Variants in ADK observed in about 807,000 individuals in gnomAD.
ADK encodes the protein N6,N6-dimethyladenosine kinase.
In ADK, 24 loss-of-function variants were observed where a neutral mutation model predicts 44.7. That is an observed-to-expected ratio of 0.54 (90% confidence interval 0.39 to 0.76). The LOEUF (loss-of-function observed/expected upper bound fraction) is 0.76. ADK is among the 30% of genes least tolerant of loss of function. The probability of loss-of-function intolerance (pLI) is 0.00; values close to 1 mark genes in which losing one functional copy is unlikely to be tolerated. For missense variants in ADK, 321 were observed against 425.1 expected, an observed-to-expected ratio of 0.76 and a Z score of 2.15; for synonymous variants, 128 against 142.6, an observed-to-expected ratio of 0.90 and a Z score of 0.73.
At chr10:74,521,930 GTTA>G (rs913288808) in intron 6 of ADK, among the ~76,000 whole-genome samples, 2 of 152,048 alleles carry the variant, frequency 1.3e-5, no homozygotes, top group African/African-American at 2.4e-5. Context: ...GAGAAATATT[GTTA>G]TTATACAAAA....
At chr10:74,160,558 G>T (rs1841861127) in intron 1 of ADK, among the ~76,000 whole-genome samples, 1 of 152,200 alleles carries the variant, frequency 6.6e-6, no homozygotes, top group Non-Finnish European at 1.5e-5. Flanking sequence ...CAGTTCTGGG[G>T]CTTACCTGCC....
intron 6 of ADK, among the ~76,000 whole-genome samples, chr10:74,407,207 C>T (rs1015491975): frequency 2.0e-5 from 3 of 152,124 alleles, no homozygotes; most frequent in Admixed American, 6.5e-5. Context: ...CTGCCTGTCT[C>T]GACCTCCCAA....
intron 7 of ADK, among the ~76,000 whole-genome samples, chr10:74,588,854 C>T (rs1851617947): frequency 6.6e-6 from 1 of 152,110 alleles, no homozygotes; most frequent in South Asian, 2.1e-4. Flanking sequence ...GCATAAATTT[C>T]GTTATGAGGA....
At chr10:74,649,395 G>A (rs1033188985) in intron 9 of ADK, among the ~76,000 whole-genome samples, 2 of 152,066 alleles carry the variant, frequency 1.3e-5, no homozygotes, top group Admixed American at 6.6e-5. Flanking sequence ...GGAGGCCAAG[G>A]TGGGAGGATC....
At chr10:74,577,853 C>G (rs1851249761) in intron 7 of ADK, among the ~76,000 whole-genome samples, 1 of 152,168 alleles carries the variant, frequency 6.6e-6, no homozygotes, top group Admixed American at 6.5e-5. Context: ...TCTAGAACAT[C>G]TCACACCTTA....
intron 3 of ADK, among the ~76,000 whole-genome samples, chr10:74,295,478 T>C (rs1212339132): frequency 1.3e-5 from 2 of 151,298 alleles, no homozygotes; most frequent in Admixed American, 1.3e-4. Context: ...AAAAAAAAAT[T>C]TTTTTAAATG....
intron 3 of ADK, among the ~76,000 whole-genome samples, chr10:74,288,449 A>G (rs767495251): frequency 3.0e-4 from 45 of 152,170 alleles, no homozygotes; most frequent in Non-Finnish European, 5.6e-4. Context: ...CAGGAGTTCG[A>G]GACCAGCCTG....
chr10:74,700,463 A>C (rs975230878), intron 10 of ADK, among the ~76,000 whole-genome samples: 3 of 152,180 alleles, frequency 2.0e-5, no homozygotes, highest in Middle Eastern at 6.8e-3. Context: ...GGCAGGTCTC[A>C]AACTCCCGAC....
chr10:74,303,588 G>GTTTTTTGTTT (rs1840141336), intron 3 of ADK, among the ~76,000 whole-genome samples: 1 of 68,578 alleles, frequency 1.5e-5, no homozygotes, highest in African/African-American at 7.9e-5. Context: ...TTTTAATGTT[G>GTTTTTTGTTT]TTTTTTTTTT....
intron 6 of ADK, among the ~76,000 whole-genome samples, chr10:74,432,663 T>C (rs758593703): frequency 1.3e-5 from 2 of 152,234 alleles, no homozygotes; most frequent in Admixed American, 1.3e-4. Context: ...CTGTTACTTA[T>C]AGGACTATTC....
intron 1 of ADK, among the ~76,000 whole-genome samples, chr10:74,172,587 GTTGAGGCAGGAGAATTAC>G (rs896784154): frequency 1.3e-5 from 2 of 151,488 alleles, no homozygotes; most frequent in African/African-American, 4.9e-5. Context: ...TGCTAGGGAG[GTTGAGGCAGGAGAATTAC>G]TTGAACCTGG....
At chr10:74,605,584 G>A (rs1266040267) in intron 9 of ADK, among the ~76,000 whole-genome samples, 3 of 152,294 alleles carry the variant, frequency 2.0e-5, no homozygotes, top group South Asian at 2.1e-4. Context: ...TTGCATCCCA[G>A]GGATGAAGCC....
intron 7 of ADK, among the ~76,000 whole-genome samples, chr10:74,546,564 A>G (rs1173685276): frequency 6.6e-6 from 1 of 152,206 alleles, no homozygotes; most frequent in East Asian, 1.9e-4. Flanking sequence ...TACAGGAAAT[A>G]TATCTGAAAA....
At chr10:74,643,477 C>T (rs368157507) in intron 9 of ADK, among the ~76,000 whole-genome samples, 1 of 152,066 alleles carries the variant, frequency 6.6e-6, no homozygotes, top group South Asian at 2.1e-4. Context: ...TAAAACTATC[C>T]ACTAAATTTT....
At chr10:74,525,710 A>G (rs1849009371) in intron 7 of ADK, among the ~76,000 whole-genome samples, 1 of 151,912 alleles carries the variant, frequency 6.6e-6, no homozygotes, top group Admixed American at 6.6e-5. Context: ...GCTGGAGTAT[A>G]ATGGCATGAT....
intron 7 of ADK, among the ~76,000 whole-genome samples, chr10:74,536,407 A>C (rs1242818071): frequency 2.0e-5 from 3 of 151,944 alleles, no homozygotes; most frequent in Admixed American, 6.6e-5. Flanking sequence ...CAGTAATACC[A>C]TTGCTATGTT....
At chr10:74,676,664 A>G (rs1210022135) in intron 10 of ADK, among the ~76,000 whole-genome samples, 1 of 151,924 alleles carries the variant, frequency 6.6e-6, no homozygotes. Flanking sequence ...TCACTCTGTT[A>G]CCCAGTCTGG....
At position 74,425,587 on chromosome 10, in the gene ADK, G is replaced by A. The variant is rs577464415; in HGVS notation, c.555+27008G>A. Among the ~76,000 whole-genome samples the A allele has an allele frequency of 3.9e-5, 6 of 152,048 alleles. No individual in the cohort carries two copies. In the East Asian group the frequency reaches 9.7e-4, roughly 24 times the overall value. ...ATGGCTGATTTCACGATACCAGCCT[G>A]AAGTCATTGAACGTGGAGTTGGGAA... On this transcript the variant is annotated intron_variant, in intron 6 of 10. Transcript: ENST00000539909.
At chr10:74,462,666 A>G (rs1374568772) in intron 6 of ADK, among the ~76,000 whole-genome samples, 2 of 152,202 alleles carry the variant, frequency 1.3e-5, no homozygotes, top group Non-Finnish European at 2.9e-5. Context: ...AAAATTTAGC[A>G]TACTTTAACT....
Sources: allele counts gnomAD v4.1 joint callset (sites outside exome capture counted in the v4.1 genomes callset), GRCh38; gene constraint gnomAD v4.1.1; transcripts MANE v1.5; gene names NCBI Gene and HGNC (gene_info 2026-07-23, HGNC 2026-07-21).